ASTN2: variants seen among roughly 807,000 people sequenced by gnomAD.
ASTN2 encodes the protein astrotactin-2.
In ASTN2, 54 loss-of-function variants were observed where a neutral mutation model predicts 139.8. The ratio of observed to expected loss-of-function variants is 0.39; its 90% CI spans 0.31 to 0.48. The LOEUF (loss-of-function observed/expected upper bound fraction) is 0.48. ASTN2 is among the 20% of genes least tolerant of loss of function. The pLI is 0.95. For synonymous variants in ASTN2, 756 were observed against 719.5 expected (o/e 1.05, Z -0.81); for missense variants, 1,565 against 1,725.1 (o/e 0.91, Z 1.64).
chr9:116,508,392 C>T (rs1029020790), intron 19 of ASTN2, among the ~76,000 whole-genome samples: 1 of 152,142 alleles, frequency 6.6e-6, no homozygotes, highest in Admixed American at 6.5e-5. Flanking sequence ...TTTCCGTATG[C>T]TCTGCTCACT....
intron 10 of ASTN2, among the ~76,000 whole-genome samples, chr9:116,884,482 T>C (rs1373489065): frequency 6.6e-6 from 1 of 152,130 alleles, no homozygotes; most frequent in Non-Finnish European, 1.5e-5. Flanking sequence ...TGTCTTCACA[T>C]GGTCTTTCCT....
intron 17 of ASTN2, among the ~76,000 whole-genome samples, chr9:116,651,070 C>T (rs1857884390): frequency 6.8e-6 from 1 of 147,970 alleles, no homozygotes; most frequent in Non-Finnish European, 1.5e-5. Flanking sequence ...ATGCCTGCCA[C>T]CACACCTGGC....
chr9:116,469,930 C>T lies in ASTN2; in HGVS notation c.3497+17429G>A, dbSNP rs373025496. On this transcript the variant is annotated intron_variant, in intron 20 of 22. Coordinates refer to ENST00000313400, the MANE Select transcript of ASTN2 (RefSeq NM_001365068.1). Reference sequence around the variant, plus strand: ...GATGTAGATTTAGGCTGAGGCTGGGCACGGTGGCTCACGTCTGTAATCACA... The same window carrying T: ...GATGTAGATTTAGGCTGAGGCTGGGTACGGTGGCTCACGTCTGTAATCACA... Among the ~76,000 whole-genome samples the T allele has an allele frequency of 1.3e-4, 20 of 152,076 alleles. No homozygotes were observed. The East Asian group carries it at 2.0e-3, about 15-fold the overall frequency.
intron 1 of ASTN2, among the ~76,000 whole-genome samples, chr9:117,317,771 T>C (rs931865533): frequency 1.3e-5 from 2 of 152,076 alleles, no homozygotes; most frequent in African/African-American, 4.8e-5. Context: ...CAGGAAAAAC[T>C]GATGAGAGGA....
intron 16 of ASTN2, among the ~76,000 whole-genome samples, chr9:116,685,951 C>T (rs936218024): frequency 2.6e-5 from 4 of 151,504 alleles, no homozygotes; most frequent in Non-Finnish European, 4.4e-5. Flanking sequence ...GGGCTGATAA[C>T]TGTGGTTTTC....
chr9:116,538,661 T>C (rs748451391), intron 19 of ASTN2, among the ~76,000 whole-genome samples: 1 of 152,232 alleles, frequency 6.6e-6, no homozygotes, highest in Non-Finnish European at 1.5e-5. Flanking sequence ...TTATATTCCA[T>C]GCTTTGTTAA....
intron 12 of ASTN2, among the ~76,000 whole-genome samples, chr9:116,820,266 C>T (rs535306506): frequency 3.3e-5 from 5 of 152,290 alleles, no homozygotes; most frequent in Middle Eastern, 3.4e-3. Context: ...ACCTTCAAGA[C>T]GTCTGCTTTT....
rs140145294 is a variant in ASTN2 at position 117,206,558 on chromosome 9, G to A, written c.1015+7800C>T. On this transcript the variant is annotated intron_variant, in intron 3 of 22. Transcript: ENST00000313400. Reference sequence around the variant, plus strand: ...GTGTGCCCTGCTTTGGGGGCCAATAGCCATGGCACCTCTCCAGCAATGGGG... The same window carrying A: ...GTGTGCCCTGCTTTGGGGGCCAATAACCATGGCACCTCTCCAGCAATGGGG... 8.7e-3 allele frequency among the ~76,000 whole-genome samples: 1,328 copies of A among 152,222 alleles called. 22 individuals carry two copies. Among genetic ancestry groups the A allele is most frequent in the African/African-American group, 0.031 (1,274 of 41,542 alleles).
intron 19 of ASTN2, among the ~76,000 whole-genome samples, chr9:116,566,019 T>G (rs985932190): frequency 6.6e-6 from 1 of 152,206 alleles, no homozygotes; most frequent in Non-Finnish European, 1.5e-5. Flanking sequence ...TACATAGCCC[T>G]CCAGTCCATC....
intron 2 of ASTN2, among the ~76,000 whole-genome samples, chr9:117,226,005 T>A (rs139504971): frequency 6.6e-6 from 1 of 152,312 alleles, no homozygotes; most frequent in Non-Finnish European, 1.5e-5. Context: ...CAGGCAGTTA[T>A]CACAATGCAT....
chr9:117,360,661 G>C lies in ASTN2; in HGVS notation c.442+53836C>G, dbSNP rs371563668. Reference sequence around the variant, plus strand: ...TTCTTTCCAAGTTCATGACTCCATGGTGAGCATGCTATGTTCTGAGGGTCA... The same window carrying C: ...TTCTTTCCAAGTTCATGACTCCATGCTGAGCATGCTATGTTCTGAGGGTCA... On this transcript the variant is annotated intron_variant, in intron 1 of 22. Transcript: ENST00000313400. Among the ~76,000 whole-genome samples the C allele has an allele frequency of 2.2e-4, 34 of 152,182 alleles. No individual in the cohort carries two copies. The East Asian group carries it at 3.7e-3, about 16-fold the overall frequency.
chr9:116,990,403 A>AGTAG (rs1409496552), intron 7 of ASTN2, among the ~76,000 whole-genome samples: 1 of 146,226 alleles, frequency 6.8e-6, no homozygotes, highest in Non-Finnish European at 1.5e-5. Flanking sequence ...AGTAGCTGGG[A>AGTAG]CTACAGGCAT....
chr9:116,670,521 A>G (rs2131985984), intron 16 of ASTN2, among the ~76,000 whole-genome samples: 1 of 152,364 alleles, frequency 6.6e-6, no homozygotes, highest in South Asian at 2.1e-4. Context: ...AGAAGAATAG[A>G]TAAGCAGTGA....
At chr9:116,692,313 G>T (rs1226558731) in intron 16 of ASTN2, among the ~76,000 whole-genome samples, 1 of 152,090 alleles carries the variant, frequency 6.6e-6, no homozygotes, top group Non-Finnish European at 1.5e-5. Flanking sequence ...TATGTATCTG[G>T]GGCCTTGGGT....
At chr9:116,802,333 G>A (rs367711795) in intron 13 of ASTN2, among the ~76,000 whole-genome samples, 25 of 151,974 alleles carry the variant, frequency 1.6e-4, no homozygotes, top group African/African-American at 5.6e-4. Context: ...TGATCTGCCC[G>A]CCTCAGCCTC....
rs1859710751 is a variant in ASTN2 at position 116,679,563 on chromosome 9, T to C, written c.2807-27770A>G. The stretch of plus-strand genomic sequence containing the variant: ...AGGTAACAAATTCCCTTGTCAATTG[T>C]GTCTTCAAGTGTGGCTGCCCTCACC... On this transcript the variant is annotated intron_variant, in intron 16 of 22. Coordinates refer to ENST00000313400, the MANE Select transcript of ASTN2 (RefSeq NM_001365068.1). 3.3e-5 allele frequency among the ~76,000 whole-genome samples: 5 copies of C among 152,128 alleles called. No individual in the cohort carries two copies. The South Asian group carries it at 1.0e-3, about 31-fold the overall frequency.
At chr9:116,428,419 G>A (rs956075574) in intron 22 of ASTN2, among the ~76,000 whole-genome samples, 2 of 152,010 alleles carry the variant, frequency 1.3e-5, no homozygotes, top group African/African-American at 4.8e-5. Flanking sequence ...AGCTACTCAG[G>A]AGGCTGAGGC....
intron 16 of ASTN2, among the ~76,000 whole-genome samples, chr9:116,702,269 A>G (rs893697683): frequency 7.2e-5 from 11 of 152,086 alleles, no homozygotes; most frequent in African/African-American, 2.7e-4. Flanking sequence ...TATTCCATAA[A>G]TGATGGCTGT....
chr9:117,084,295 C>T (rs1828505353), intron 5 of ASTN2, among the ~76,000 whole-genome samples: 1 of 152,158 alleles, frequency 6.6e-6, no homozygotes, highest in Non-Finnish European at 1.5e-5. Flanking sequence ...TAGAATCTCT[C>T]CAGAAAGCCT....
Sources: gnomAD v4.1 joint callset for allele counts (sites outside exome capture counted in the v4.1 genomes callset) on GRCh38, gnomAD v4.1.1 for gene constraint, MANE v1.5 for transcripts, NCBI Gene and HGNC (gene_info 2026-07-23, HGNC 2026-07-21) for gene names.